NCF4: variants seen among roughly 807,000 people sequenced by gnomAD.
NCF4 encodes the protein neutrophil cytosolic factor 4.
NCF4 carries 30 observed loss-of-function variants against 41.7 expected under a neutral mutation model. The observed-to-expected ratio is 0.72, with a 90% confidence interval of 0.54 to 0.97. The LOEUF (loss-of-function observed/expected upper bound fraction) is 0.97. NCF4 is among the 50% of genes least tolerant of loss of function. The probability of loss-of-function intolerance (pLI) is 0.00; values close to 1 mark genes in which losing one functional copy is unlikely to be tolerated. For missense variants in NCF4, 432 were observed against 460.9 expected (o/e 0.94, Z 0.57); for synonymous variants, 195 against 175.8 (o/e 1.11, Z -0.87).
intron 7 of NCF4, among the ~76,000 whole-genome samples, chr22:36,875,177 G>A (rs544695465): frequency 3.4e-4 from 52 of 152,098 alleles, no homozygotes; most frequent in African/African-American, 1.2e-3. Context: ...TTACAGGCCC[G>A]CACCAACACG....
intron 1 of NCF4, among the ~76,000 whole-genome samples, chr22:36,862,357 C>A (rs1191344942): frequency 3.3e-5 from 5 of 152,196 alleles, no homozygotes; most frequent in Non-Finnish European, 7.4e-5. Flanking sequence ...ACGTGGCCTT[C>A]CTGAGCCTCA....
chr22:36,869,759 G>A (rs900465418), intron 4 of NCF4, among the ~76,000 whole-genome samples: 2 of 152,280 alleles, frequency 1.3e-5, no homozygotes, highest in East Asian at 1.9e-4. Context: ...GCTCAAGTCC[G>A]GGCCCTGTCA....
At chr22:36,875,436 A>C (rs1008758075) in intron 7 of NCF4, among the ~76,000 whole-genome samples, 1 of 152,226 alleles carries the variant, frequency 6.6e-6, no homozygotes, top group Non-Finnish European at 1.5e-5. Context: ...GCAGCTTTCT[A>C]TATAAATCCA....
At position 36,876,038 on chromosome 22, in the gene NCF4, G is replaced by A. The variant is rs766525712; in HGVS notation, c.768G>A (p.Ala256=). The A allele has an allele frequency of 5.6e-6, 9 of 1,612,632 alleles. No individual in the cohort carries two copies. Among genetic ancestry groups the A allele is most frequent in the Non-Finnish European group, 5.9e-6 (7 of 1,178,968 alleles). Residue 256 remains alanine (A), a synonymous_variant, in exon 9 of 10, where the codon GCG becomes GCA. Transcript: ENST00000248899. ...CCTGTCACCCCCTTAGGGACATCGCGGTGGAGGAAGATCTCAGCAGCACTC... is the reference window on the plus strand; with the variant it reads ...CCTGTCACCCCCTTAGGGACATCGCAGTGGAGGAAGATCTCAGCAGCACTC... The part of the protein sequence containing the change: ...EDTISTIKDI[A]VEEDLSSTPL...
chr22:36,867,553 A>G lies in NCF4; in HGVS notation c.342+91A>G, dbSNP rs559636358. ...ACCATCCCTGGGTATGGCTTTGGGA[A>G]CTGGGGCTGGCTCTCTGGCTCTGAT... On this transcript the variant is annotated intron_variant, in intron 4 of 9. Coordinates refer to ENST00000248899, the MANE Select transcript of NCF4 (RefSeq NM_000631.5). 1.6e-4 allele frequency: 221 copies of G among 1,409,838 alleles called. 1 individual carries two copies. In the South Asian group the frequency reaches 2.5e-3, roughly 16 times the overall value. 87.3% of individuals were successfully genotyped at this position (1,409,838 alleles called of 1,614,324 possible). A position where few individuals can be genotyped will look rare whatever the true frequency, so the allele number is the denominator to read the frequency against.
chr22:36,862,759 C>T (rs189874596), intron 1 of NCF4, among the ~76,000 whole-genome samples: 15 of 152,286 alleles, frequency 9.8e-5, no homozygotes, highest in Non-Finnish European at 1.3e-4. Flanking sequence ...GTTCGCGCAG[C>T]GGGGACTTTC....
chr22:36,877,736 T>G lies in NCF4; in HGVS notation c.933T>G (p.Arg311=). The G allele has an allele frequency of 6.2e-7, 1 of 1,614,074 alleles. No individual in the cohort carries two copies. Among genetic ancestry groups the G allele is most frequent in the South Asian group, 1.1e-5 (1 of 91,082 alleles). ...TAGCGCTCATGGTGCGGCAGGCTCG[T>G]GGCCTCCCCTCCCAGAAGCGCCTCT... is the stretch of plus-strand genomic sequence containing the variant. ...EDVALMVRQA[R]GLPSQKRLFP... is the part of the protein sequence containing the mutation. Residue 311 remains arginine (R), a synonymous_variant, in exon 10 of 10, where the codon CGT becomes CGG. Coordinates refer to ENST00000248899, the MANE Select transcript of NCF4 (RefSeq NM_000631.5).
At chr22:36,877,479 G>A in intron 9 of NCF4, 149 bp from the exon 10 acceptor site, 1 of 802,318 alleles carries the variant, frequency 1.2e-6, no homozygotes, top group African/African-American at 1.7e-5. Context: ...TGTACAATGG[G>A]AGGTTAGATT....
chr22:36,862,806 GC>G (rs1939807935), intron 1 of NCF4, among the ~76,000 whole-genome samples: 1 of 152,194 alleles, frequency 6.6e-6, no homozygotes, highest in Non-Finnish European at 1.5e-5. Flanking sequence ...GATGGGGAGG[GC>G]TGCCTTAGGG....
chr22:36,867,511 G>C, intron 4 of NCF4, 49 bp downstream of exon 4: 1 of 1,597,832 alleles, frequency 6.3e-7, no homozygotes, highest in South Asian at 1.1e-5. Context: ...ATGCAGTATT[G>C]GTGGGGGAGC....
At chr22:36,870,214 C>A in intron 4 of NCF4, 2 of 734,960 alleles carry the variant, frequency 2.7e-6, no homozygotes, top group South Asian at 1.7e-5. Flanking sequence ...GACCTTGGAC[C>A]CAGGAGCAGA....
intron 1 of NCF4, among the ~76,000 whole-genome samples, chr22:36,862,247 C>A (rs1279621555): frequency 1.3e-5 from 2 of 152,158 alleles, no homozygotes; most frequent in African/African-American, 4.8e-5. Flanking sequence ...TGTGCCTACG[C>A]GGGGAACAGA....
Position 36,865,667 on chromosome 22 carries a change from G to A in NCF4, c.271+595G>A, listed in dbSNP as rs530043608. 1.2e-4 allele frequency among the ~76,000 whole-genome samples: 18 copies of A among 152,272 alleles called. No individual in the cohort carries two copies. The highest frequency in any genetic ancestry group is 1.9e-4 in the African/African-American group (8 of 41,566). On this transcript the variant is annotated intron_variant, in intron 3 of 9. Coordinates refer to ENST00000248899, the MANE Select transcript of NCF4 (RefSeq NM_000631.5). This position sits in a 1 kb window ranked among gnomAD's most constrained non-coding sequence, Gnocchi z 4.3. ...CCCTTAGCTGCTCAGCACCTGCCCCGCAGGAGGAAACCCCATCACGAATGG... is the reference window on the plus strand; with the variant it reads ...CCCTTAGCTGCTCAGCACCTGCCCCACAGGAGGAAACCCCATCACGAATGG...
At chr22:36,872,626 G>C (rs1940089839) in intron 7 of NCF4, among the ~76,000 whole-genome samples, 1 of 35,560 alleles carries the variant, frequency 2.8e-5, no homozygotes, top group Non-Finnish European at 9.5e-5. Context: ...GGTGAGATTG[G>C]AGGTGAGGGT....
chr22:36,863,373 G>A (rs1319230160), intron 1 of NCF4, among the ~76,000 whole-genome samples: 1 of 151,754 alleles, frequency 6.6e-6, no homozygotes, highest in East Asian at 2.0e-4. Context: ...TCTTCCCAAG[G>A]GAGCTTGATC....
chr22:36,866,690 G>C (rs763579495), intron 3 of NCF4, among the ~76,000 whole-genome samples: 2 of 152,078 alleles, frequency 1.3e-5, no homozygotes, highest in Non-Finnish European at 2.9e-5. Context: ...TTGCTTCCTC[G>C]TAGGGGTTCT....
chr22:36,877,426 C>T (rs1043267489), intron 9 of NCF4, among the ~76,000 whole-genome samples: 7 of 152,164 alleles, frequency 4.6e-5, no homozygotes, highest in Non-Finnish European at 7.4e-5. Flanking sequence ...CGTGAGCCAC[C>T]GCACCCAGCC....
chr22:36,862,961 C>T (rs1939813693), intron 1 of NCF4, among the ~76,000 whole-genome samples: 1 of 152,152 alleles, frequency 6.6e-6, no homozygotes, highest in South Asian at 2.1e-4. Flanking sequence ...AGGCCAGGCT[C>T]CAAAGTCTGT....
chr22:36,873,238 G>C (rs1025962656), intron 7 of NCF4, among the ~76,000 whole-genome samples: 1 of 151,710 alleles, frequency 6.6e-6, no homozygotes, highest in African/African-American at 2.4e-5. Flanking sequence ...TGAGTTTGCA[G>C]GTAAGGATGG....
Sources: gnomAD v4.1 joint callset for allele counts (sites outside exome capture counted in the v4.1 genomes callset) on GRCh38, gnomAD v4.1.1 for gene constraint, Gnocchi (gnomAD v3.1) non-coding constraint, MANE v1.5 for transcripts, NCBI Gene and HGNC (gene_info 2026-07-23, HGNC 2026-07-21) for gene names.